The following SAMMSON variants were observed in gnomAD, a reference collection of about 807,000 sequenced individuals.
SAMMSON encodes survival associated mitochondrial melanoma specific oncogenic non-coding RNA, also known as long intergenic non-protein coding RNA 1212.
chr3:70,172,333 G>A (rs1193957746), intron 4 of SAMMSON: 3 of 148,392 alleles, frequency 2.0e-5, no homozygotes, highest in African/African-American at 7.5e-5. Context: ...TACTCTCTGC[G>A]TCATGCTAGA....
intron 4 of SAMMSON, among the ~76,000 whole-genome samples, chr3:70,106,189 A>G (rs1312323335): frequency 1.3e-5 from 2 of 152,178 alleles, no homozygotes; most frequent in Admixed American, 6.5e-5. Context: ...TGGGCATAAT[A>G]TATTTGGGCC....
chr3:70,037,068 T>C (rs2067088074), intron 3 of SAMMSON, among the ~76,000 whole-genome samples: 1 of 151,976 alleles, frequency 6.6e-6, no homozygotes, highest in Non-Finnish European at 1.5e-5. Flanking sequence ...GGATGTGGTA[T>C]GTTTAATATT....
chr3:70,373,199 T>C (rs1394811799), intron 9 of SAMMSON, among the ~76,000 whole-genome samples: 1 of 152,144 alleles, frequency 6.6e-6, no homozygotes, highest in East Asian at 1.9e-4. Context: ...TGTTTTCCTT[T>C]ACCTAGGAAT....
intron 4 of SAMMSON, among the ~76,000 whole-genome samples, chr3:70,230,683 T>C (rs1701550652): frequency 6.6e-6 from 1 of 152,202 alleles, no homozygotes; most frequent in Non-Finnish European, 1.5e-5. Flanking sequence ...TAATCAATTC[T>C]AGGTTTCTTT....
intron 3 of SAMMSON, among the ~76,000 whole-genome samples, chr3:70,047,332 T>TC (rs1359898118): frequency 6.7e-6 from 1 of 149,876 alleles, no homozygotes; most frequent in Non-Finnish European, 1.5e-5. Context: ...TCTCTCTCTC[T>TC]CTTTTTTTTT....
At chr3:70,413,315 A>G (rs1033855173) in intron 2 of SAMMSON, among the ~76,000 whole-genome samples, 6 of 152,154 alleles carry the variant, frequency 3.9e-5, no homozygotes, top group Non-Finnish European at 7.4e-5. Context: ...CGTTTAGGCT[A>G]TGTTTCAGTC....
At chr3:70,115,524 C>T (rs536115525) in intron 4 of SAMMSON, among the ~76,000 whole-genome samples, 1 of 152,242 alleles carries the variant, frequency 6.6e-6, no homozygotes, top group Non-Finnish European at 1.5e-5. Context: ...CAAGCATCCA[C>T]ATCTTGTTTA....
At position 70,079,600 on chromosome 3, in the gene SAMMSON, C is replaced by T. The variant is rs1047931001; in HGVS notation, n.507+8035C>T. Among the ~76,000 whole-genome samples, 99 of 152,060 alleles carry T rather than the reference C, an allele frequency of 6.5e-4. 1 individual carries two copies. Among genetic ancestry groups the T allele is most frequent in the Non-Finnish European group, 2.9e-5 (2 of 68,018 alleles). ...GCACTTTTCTATAAAATAGGCTTTG[C>T]GTTAGATAATTTTGCCCAAATATGT... On this transcript the variant is annotated intron_variant and non_coding_transcript_variant, in intron 4 of 9. Coordinates refer to ENST00000642114, the Ensembl canonical transcript of SAMMSON.
chr3:70,251,628 G>T (rs1374499547), intron 6 of SAMMSON, among the ~76,000 whole-genome samples: 2 of 152,080 alleles, frequency 1.3e-5, no homozygotes, highest in Non-Finnish European at 2.9e-5. Flanking sequence ...CAATATACCT[G>T]CAAATTTAGG....
At chr3:70,023,497 T>G (rs2067024430) in intron 3 of SAMMSON, among the ~76,000 whole-genome samples, 1 of 152,084 alleles carries the variant, frequency 6.6e-6, no homozygotes, top group African/African-American at 2.4e-5. Context: ...TTTATATTCT[T>G]TATTTATAAT....
chr3:70,388,608 G>T (rs957530276), intron 9 of SAMMSON, among the ~76,000 whole-genome samples: 9 of 152,124 alleles, frequency 5.9e-5, no homozygotes, highest in Non-Finnish European at 1.0e-4. Flanking sequence ...ATATGACTCA[G>T]TTCCAGCCTT....
At chr3:70,176,018 C>T (rs891276253) in intron 4 of SAMMSON, among the ~76,000 whole-genome samples, 1 of 152,074 alleles carries the variant, frequency 6.6e-6, no homozygotes, top group Admixed American at 6.6e-5. Context: ...GACTCAGATT[C>T]AGCATACCCA....
At chr3:70,075,481 T>G (rs2067245202) in intron 4 of SAMMSON, 1 of 152,156 alleles carries the variant, frequency 6.6e-6, no homozygotes, top group Admixed American at 6.6e-5. Context: ...CCAAACCAAA[T>G]AAAGTTTCAC....
chr3:70,031,287 C>G lies in SAMMSON; in HGVS notation n.417+17615C>G, dbSNP rs1194860596. 1.3e-5 allele frequency among the ~76,000 whole-genome samples: 2 copies of G among 151,792 alleles called. 1 individual carries two copies. Among genetic ancestry groups the G allele is most frequent in the South Asian group, 4.1e-4 (2 of 4,820 alleles). On this transcript the variant is annotated intron_variant and non_coding_transcript_variant, in intron 3 of 9. Transcript: ENST00000642114. ...ATTGCACTGAATGAAATAAGCCAGA[C>G]AAAGGACAAATATGGTATGATTCCA... is the stretch of plus-strand genomic sequence containing the variant.
At chr3:70,012,136 A>G (rs2066958925) in intron 1 of SAMMSON, among the ~76,000 whole-genome samples, 1 of 152,130 alleles carries the variant, frequency 6.6e-6, no homozygotes, top group Non-Finnish European at 1.5e-5. Flanking sequence ...AACTGAAATC[A>G]TGAAGCTTGA....
chr3:70,162,100 TTTTA>T (rs1484244511), intron 4 of SAMMSON, among the ~76,000 whole-genome samples: 1 of 151,760 alleles, frequency 6.6e-6, no homozygotes, highest in East Asian at 1.9e-4. Flanking sequence ...GTTTCATTGA[TTTTA>T]TTTATTTATT....
intron 4 of SAMMSON, among the ~76,000 whole-genome samples, chr3:70,116,643 C>T (rs949382137): frequency 2.0e-5 from 3 of 151,866 alleles, no homozygotes; most frequent in African/African-American, 4.8e-5. Context: ...TGAAAAGACC[C>T]GTCTGAATGG....
At chr3:70,002,598 A>G (rs902988165) in intron 1 of SAMMSON, among the ~76,000 whole-genome samples, 1 of 152,208 alleles carries the variant, frequency 6.6e-6, no homozygotes, top group Non-Finnish European at 1.5e-5. Flanking sequence ...ATTATCAACT[A>G]TCAACTCTGT....
At chr3:70,136,313 C>T (rs560276199) in intron 4 of SAMMSON, among the ~76,000 whole-genome samples, 2 of 152,332 alleles carry the variant, frequency 1.3e-5, no homozygotes, top group South Asian at 4.1e-4. Context: ...TTATAGCTTT[C>T]TTCTACCTTC....
Sources: allele counts gnomAD v4.1 joint callset (sites outside exome capture counted in the v4.1 genomes callset), GRCh38; gene constraint gnomAD v4.1.1; transcripts MANE v1.5; gene names NCBI Gene and HGNC (gene_info 2026-07-23, HGNC 2026-07-21).